Variants in C9orf72 observed in about 807,000 individuals in gnomAD.
The protein encoded by C9orf72 is guanine nucleotide exchange factor C9orf72.
A neutral mutation model predicts 51.6 loss-of-function variants in C9orf72; 44 were observed. The ratio of observed to expected loss-of-function variants is 0.85; its 90% CI spans 0.67 to 1.10. C9orf72 has a LOEUF of 1.10. Ranked by LOEUF, C9orf72 falls within the 50% of genes least tolerant of loss-of-function variation. The pLI is 0.00. For missense variants in C9orf72, 607 were observed against 570.6 expected (o/e 1.06, Z -0.65); for synonymous variants, 213 against 194.2 (o/e 1.10, Z -0.81).
At position 27,560,219 on chromosome 9, in the gene C9orf72, T is replaced by G. The variant is rs1380922700; in HGVS notation, c.738+8A>C. 1.3e-6 allele frequency: 2 copies of G among 1,579,004 alleles called. No individual in the cohort carries two copies. Among genetic ancestry groups the G allele is most frequent in the Non-Finnish European group, 1.7e-6 (2 of 1,157,524 alleles). ...TCAAATCATTTGCTAGATTATAAAA[T>G]AAACTACCTTATTTACTTTCTCTGC... On this transcript the variant is annotated splice_region_variant and intron_variant, in intron 6 of 10. Transcript: ENST00000380003.
chr9:27,552,201 G>C (rs539224441), intron 8 of C9orf72, among the ~76,000 whole-genome samples: 1 of 152,294 alleles, frequency 6.6e-6, no homozygotes, highest in African/African-American at 2.4e-5. Flanking sequence ...GGAGTGGTGA[G>C]AGTGGACATC....
At position 27,567,093 on chromosome 9, in the gene C9orf72, G is replaced by C. The variant is rs749975238; in HGVS notation, c.28C>G (p.Pro10Ala). 5 of 1,613,504 alleles carry C rather than the reference G, an allele frequency of 3.1e-6. No individual in the cohort carries two copies. The highest frequency in any genetic ancestry group is 4.2e-6 in the Non-Finnish European group (5 of 1,179,656). ...GCAATCTCTGTCTTGGCAACAGCTGGAGATGGCGGTGGGCAAAGAGTCGAC... is the reference window on the plus strand; with the variant it reads ...GCAATCTCTGTCTTGGCAACAGCTGCAGATGGCGGTGGGCAAAGAGTCGAC... MSTLCPPPSPAVAKTEIALS... is the reference protein window; with the variant it reads MSTLCPPPSAAVAKTEIALS... Residue 10 changes from proline (P) to alanine (A), a missense_variant, in exon 2 of 11, where the codon CCA (proline) becomes GCA (alanine). Pro to Ala is a conservative substitution (Grantham distance 27, BLOSUM62 -1). Coordinates refer to ENST00000380003, the MANE Select transcript of C9orf72 (RefSeq NM_018325.5).
intron 3 of C9orf72, among the ~76,000 whole-genome samples, chr9:27,564,005 A>G (rs185097777): frequency 2.0e-5 from 3 of 152,204 alleles, no homozygotes; most frequent in Admixed American, 2.0e-4. Context: ...ATTTGCAAGA[A>G]CTCAATCAAA....
intron 1 of C9orf72, among the ~76,000 whole-genome samples, chr9:27,568,456 C>A (rs1255969245): frequency 6.6e-6 from 1 of 152,156 alleles, no homozygotes; most frequent in African/African-American, 2.4e-5. Context: ...AAGACAGAAC[C>A]CAGGGCTCTT....
intron 6 of C9orf72, chr9:27,559,526 T>C (rs1024439853): frequency 6.6e-6 from 1 of 152,144 alleles, no homozygotes; most frequent in African/African-American, 2.4e-5. Context: ...AAAAAAAAAT[T>C]ATGAATATCT....
At chr9:27,570,479 CA>C (rs1280022578) in intron 1 of C9orf72, among the ~76,000 whole-genome samples, 1 of 151,872 alleles carries the variant, frequency 6.6e-6, no homozygotes, top group Non-Finnish European at 1.5e-5. Flanking sequence ...AACCCTGGAG[CA>C]AAATCTGATT....
At chr9:27,548,707 A>C (rs1315369620) in intron 9 of C9orf72, 41 bp from the exon 10 acceptor site, 1 of 1,134,758 alleles carries the variant, frequency 8.8e-7, no homozygotes. Context: ...ATTTGCTCAC[A>C]TTCTACTCGT....
rs1295400337 is a variant in C9orf72 at position 27,566,708 on chromosome 9, A to G, written c.413T>C (p.Ile138Thr). Reference protein sequence around the residue: ...HRVCVDRLTHIIRKGRIWMHK... With the variant: ...HRVCVDRLTHTIRKGRIWMHK... The stretch of plus-strand genomic sequence containing the variant: ...CATCCATATTCTTCCTTTCCGGATT[A>G]TATGTGTTAATCTATCAACACACAC... Residue 138 changes from isoleucine (I) to threonine (T), a missense_variant, in exon 2 of 11, where the codon ATA becomes ACA. By Grantham distance (89) the Ile-to-Thr change is moderately conservative. Transcript: ENST00000380003. 3.1e-6 allele frequency: 5 copies of G among 1,609,620 alleles called. No individual in the cohort carries two copies. The highest frequency in any genetic ancestry group is 4.2e-6 in the Non-Finnish European group (5 of 1,177,186).
At chr9:27,564,721 T>C (rs1819427142) in intron 3 of C9orf72, among the ~76,000 whole-genome samples, 1 of 152,068 alleles carries the variant, frequency 6.6e-6, no homozygotes, top group African/African-American at 2.4e-5. Context: ...ATCTGTCTCA[T>C]TCATGCTAAA....
chr9:27,572,955 C>A (rs138196817), intron 1 of C9orf72, among the ~76,000 whole-genome samples: 201 of 152,316 alleles, frequency 1.3e-3, no homozygotes, highest in African/African-American at 4.7e-3. Context: ...CGTCTCCACA[C>A]CCCCATCTCA....
At position 27,562,350 on chromosome 9, in the gene C9orf72, A is replaced by G. The variant is rs182534917; in HGVS notation, c.600+31T>C. 359 of 1,155,412 alleles carry G rather than the reference A, an allele frequency of 3.1e-4. 3 individuals are homozygous for G. The African/African-American group carries it at 5.0e-3, about 16-fold the overall frequency. The allele number at this position is 1,155,412 out of a possible 1,614,324, so 71.6% of individuals were successfully genotyped here. ...AATACTATAACCCCAAAAAACTCATAAAGTGTATAATTGCTCTCATTTAAA... is the reference window on the plus strand; with the variant it reads ...AATACTATAACCCCAAAAAACTCATGAAGTGTATAATTGCTCTCATTTAAA... On this transcript the variant is annotated intron_variant, in intron 4 of 10. Transcript: ENST00000380003.
intron 8 of C9orf72, chr9:27,554,639 C>CA (rs577702879): frequency 2.7e-4 from 101 of 371,042 alleles, no homozygotes; most frequent in South Asian, 1.2e-3. Context: ...AAATAAAAGT[C>CA]AAAAAAAAAA....
intron 1 of C9orf72, among the ~76,000 whole-genome samples, chr9:27,567,929 CCT>C (rs1205271920): frequency 6.6e-6 from 1 of 152,010 alleles, no homozygotes; most frequent in African/African-American, 2.4e-5. Context: ...AGATCATGCC[CCT>C]GTCAACACTT....
chr9:27,550,734 A>C (rs751646413), intron 8 of C9orf72, 27 bp from the exon 9 acceptor site: 3 of 1,446,202 alleles, frequency 2.1e-6, no homozygotes, highest in Non-Finnish European at 9.6e-7. Flanking sequence ...AATGAAGAAA[A>C]GAAAAAAGTT....
intron 1 of C9orf72, among the ~76,000 whole-genome samples, chr9:27,572,417 G>A (rs546654343): frequency 6.6e-6 from 1 of 151,070 alleles, no homozygotes; most frequent in South Asian, 2.1e-4. Context: ...CACAGATTAT[G>A]TTAAAAGTTT....
intron 8 of C9orf72, among the ~76,000 whole-genome samples, chr9:27,553,717 G>C (rs1475405419): frequency 6.6e-6 from 1 of 151,922 alleles, no homozygotes; most frequent in East Asian, 1.9e-4. Flanking sequence ...GGGACCTAAC[G>C]AGCTCCTGCA....
intron 9 of C9orf72, 141 bp from the exon 10 acceptor site, chr9:27,548,807 G>C: frequency 1.7e-6 from 1 of 573,016 alleles, no homozygotes; most frequent in Non-Finnish European, 3.1e-6. Context: ...CCCCCTAACA[G>C]GAGTGTGGTA....
In C9orf72 at chr9:27,556,573, A is replaced by C; in HGVS notation, c.1079T>G (p.Phe360Cys). Reference sequence around the variant, plus strand: ...GAGCATTACGTACAAATCAGGAGTAAAGCTTTCGTCAGTGTAGATGATCGT... The same window carrying C: ...GAGCATTACGTACAAATCAGGAGTACAGCTTTCGTCAGTGTAGATGATCGT... ...QDTIIYTDES[F>C]TPDLNIFQDV... The change falls in exon 8 of 11, where the codon TTT becomes TGT. Residue 360 changes from phenylalanine (F) to cysteine (C), a missense_variant. By Grantham distance (205) the Phe-to-Cys change is radical. Coordinates refer to ENST00000380003, the MANE Select transcript of C9orf72 (RefSeq NM_018325.5). 3 of 1,611,044 alleles carry C rather than the reference A, an allele frequency of 1.9e-6. No homozygotes were observed. In the South Asian group the frequency reaches 3.3e-5, roughly 18 times the overall value.
At chr9:27,560,921 A>C in intron 5 of C9orf72, 1 of 264,076 alleles carries the variant, frequency 3.8e-6, no homozygotes, top group Non-Finnish European at 5.9e-6. Context: ...CACTCAACAA[A>C]TACTGGCTAT....
Sources: allele counts gnomAD v4.1 joint callset (sites outside exome capture counted in the v4.1 genomes callset), GRCh38; gene constraint gnomAD v4.1.1; transcripts MANE v1.5; gene names NCBI Gene and HGNC (gene_info 2026-07-23, HGNC 2026-07-21).